The following CD163 variants were observed in gnomAD, a reference collection of about 807,000 sequenced individuals.
CD163 encodes the protein CD163 molecule.
CD163 carries 64 observed loss-of-function variants against 129.2 expected under a neutral mutation model. The ratio of observed to expected loss-of-function variants is 0.50; its 90% CI spans 0.41 to 0.61. The LOEUF (loss-of-function observed/expected upper bound fraction) is 0.61. Ranked by LOEUF, CD163 falls within the 20% of genes least tolerant of loss-of-function variation. The pLI is 0.00. For synonymous variants in CD163, 446 were observed against 478.5 expected, an observed-to-expected ratio of 0.93 and a Z score of 0.89; for missense variants, 1,061 against 1,377.9, an observed-to-expected ratio of 0.77 and a Z score of 3.64.
At chr12:7,480,894 G>A in intron 15 of CD163, 1 of 1,089,362 alleles carries the variant, frequency 9.2e-7, no homozygotes, top group Non-Finnish European at 1.1e-6. Flanking sequence ...ATAAAATGAG[G>A]TCCAAGTCAT....
chr12:7,501,110 G>C (rs773079104), intron 3 of CD163, 29 bp downstream of exon 3: 2 of 1,596,010 alleles, frequency 1.3e-6, no homozygotes, highest in African/African-American at 2.7e-5. Context: ...AGGATTTTGT[G>C]TTGAGGCTTT....
At chr12:7,483,725 CAGG>C (rs764228327) in intron 11 of CD163, 50 bp from the exon 12 acceptor site, 1 of 1,242,002 alleles carries the variant, frequency 8.1e-7, no homozygotes, top group South Asian at 1.8e-5. Context: ...TAAAAGTTTC[CAGG>C]AGTTCACAGG....
chr12:7,489,349 A>C (rs986031735), intron 6 of CD163, among the ~76,000 whole-genome samples: 1 of 152,122 alleles, frequency 6.6e-6, no homozygotes, highest in African/African-American at 2.4e-5. Flanking sequence ...CTTTTTTCCA[A>C]GAAATTTATG....
chr12:7,502,736 G>C (rs1411538447), intron 1 of CD163, 172 bp from the exon 2 acceptor site: 1 of 641,354 alleles, frequency 1.6e-6, no homozygotes, highest in Non-Finnish European at 2.8e-6. Context: ...TATAGTTTCA[G>C]TGAAATGGTT....
At position 7,485,533 on chromosome 12, in the gene CD163, G is replaced by T; in HGVS notation, c.2459-117C>A. 2 of 587,876 alleles carry T rather than the reference G, an allele frequency of 3.4e-6. No homozygotes were observed. Among genetic ancestry groups the T allele is most frequent in the Non-Finnish European group, 5.6e-6 (2 of 354,736 alleles). The allele number at this position is 587,876 out of a possible 1,614,324, so 36.4% of individuals were successfully genotyped here. ...ATAGGTACAATAGTACAATATGTCA[G>T]TTACTAATAATTCGTTAGTAACTTC... On this transcript the variant is annotated intron_variant, in intron 10 of 16. Coordinates refer to ENST00000432237, the MANE Select transcript of CD163 (RefSeq NM_203416.4). The surrounding 1 kb of genome is among the most constrained non-coding windows in gnomAD (Gnocchi z 4.5).
chr12:7,478,042 G>A (rs1949112455), intron 16 of CD163, among the ~76,000 whole-genome samples: 1 of 152,022 alleles, frequency 6.6e-6, no homozygotes, highest in South Asian at 2.1e-4. Flanking sequence ...ATTTTATAAT[G>A]ATTTTTTCTT....
chr12:7,497,241 A>G, intron 4 of CD163, 108 bp from the exon 5 acceptor site: 2 of 872,864 alleles, frequency 2.3e-6, no homozygotes, highest in South Asian at 1.6e-5. Context: ...ATAAGTGGAG[A>G]CAGAGAAAAC....
At chr12:7,481,337 T>A in intron 14 of CD163, 81 bp from the exon 15 acceptor site, 1 of 986,032 alleles carries the variant, frequency 1.0e-6, no homozygotes, top group South Asian at 1.3e-5. Flanking sequence ...TTCCAAGCGC[T>A]GCAAACATAC....
At position 7,486,966 on chromosome 12, in the gene CD163, A is replaced by C; in HGVS notation, c.2071T>G (p.Ser691Ala). Residue 691 changes from serine (S) to alanine (A), a missense_variant, in exon 9 of 17, where the codon TCC (serine) becomes GCC (alanine). Physicochemically the swap from Ser to Ala is moderately conservative, Grantham distance 99 (BLOSUM62 1). Transcript: ENST00000432237. ...ICSGNQSQTL[S>A]SCNSSSLGPT... ...CCCAAAGACGATGAATTGCACGAGG[A>C]CAGTGTTTGGGACTGGTTTCCTGCA... 3 of 1,614,118 alleles carry C rather than the reference A, an allele frequency of 1.9e-6. 1 individual carries two copies. The South Asian group carries it at 3.3e-5, about 18-fold the overall frequency.
chr12:7,482,690 G>A lies in CD163; in HGVS notation c.3200C>T (p.Ala1067Val), dbSNP rs771169001. 9.9e-6 allele frequency: 16 copies of A among 1,614,110 alleles called. No individual in the cohort carries two copies. The South Asian group carries it at 1.2e-4, about 12-fold the overall frequency. Residue 1067 changes from alanine (A) to valine (V), a missense_variant, in exon 14 of 17, where the codon GCA (alanine) becomes GTA (valine). Ala to Val is a moderately conservative substitution (Grantham distance 64). Coordinates refer to ENST00000432237, the MANE Select transcript of CD163 (RefSeq NM_203416.4). ...TCGCTTTTTAGTCAAGAAGAATAAT[G>A]CGACGAAAATGGCCAACAGAACAAC... ...LGVVLLAIFV[A>V]LFFLTKKRRQ...
rs772644770 is a variant in CD163 at position 7,485,160 on chromosome 12, G to A, written c.2715C>T (p.Cys905=). The change falls in exon 11 of 17, where the codon TGC becomes TGT. Residue 905 remains cysteine, a synonymous_variant. Coordinates refer to ENST00000432237, the MANE Select transcript of CD163 (RefSeq NM_203416.4). This position sits in a 1 kb window ranked among gnomAD's most constrained non-coding sequence, Gnocchi z 4.5. ...GTCTCTTCTCCCATGGAGATGATGG[G>A]CACTGCCACAGCGTGTCAGGTCCTT... ...CPKGPDTLWQ[C]PSSPWEKRLA... 1.9e-6 allele frequency: 3 copies of A among 1,614,042 alleles called. No homozygotes were observed. The highest frequency in any genetic ancestry group is 2.2e-5 in the South Asian group (2 of 91,076).
chr12:7,477,904 ATAT>A (rs1237459983), intron 16 of CD163, among the ~76,000 whole-genome samples: 1 of 152,172 alleles, frequency 6.6e-6, no homozygotes, highest in African/African-American at 2.4e-5. Context: ...TATAAATCAA[ATAT>A]TATTCATGGT....
Position 7,503,586 on chromosome 12 carries a change from G to A in CD163, c.46+59C>T. 5 of 1,129,426 alleles carry A rather than the reference G, an allele frequency of 4.4e-6. No individual in the cohort carries two copies. In the East Asian group the frequency reaches 1.2e-4, roughly 27 times the overall value. 70.0% of individuals were successfully genotyped at this position (1,129,426 alleles called of 1,614,324 possible). ...CACTTTTAAATCACATCCATTGACT[G>A]TCATAATAATTACATACCCCATTAA... is the stretch of plus-strand genomic sequence containing the variant. On this transcript the variant is annotated intron_variant, in intron 1 of 16. Coordinates refer to ENST00000432237, the MANE Select transcript of CD163 (RefSeq NM_203416.4).
chr12:7,483,771 A>C (rs767374272), intron 11 of CD163, 96 bp from the exon 12 acceptor site: 7 of 589,260 alleles, frequency 1.2e-5, no homozygotes, highest in East Asian at 1.1e-4. Context: ...AAAAAAAAAA[A>C]AAAACTATTT....
chr12:7,483,193 G>T, intron 12 of CD163, 174 bp downstream of exon 12: 1 of 796,606 alleles, frequency 1.3e-6, no homozygotes, highest in Non-Finnish European at 2.0e-6. Context: ...CCTTGGTGAA[G>T]GCCGTTGTAT....
intron 16 of CD163, among the ~76,000 whole-genome samples, chr12:7,477,676 A>C (rs1279925586): frequency 6.6e-6 from 1 of 152,146 alleles, no homozygotes; most frequent in Non-Finnish European, 1.5e-5. Flanking sequence ...GTTGATAGGC[A>C]CAACAAACCA....
At chr12:7,479,546 A>G (rs982939819) in intron 16 of CD163, among the ~76,000 whole-genome samples, 2 of 152,144 alleles carry the variant, frequency 1.3e-5, no homozygotes, top group African/African-American at 2.4e-5. Context: ...ATGTAGATGT[A>G]TAATATGTCT....
Position 7,474,076 on chromosome 12 carries a change from A to T in CD163, c.*32-2679T>A, listed in dbSNP as rs144962128. Among the ~76,000 whole-genome samples the T allele has an allele frequency of 6.1e-4, 93 of 152,316 alleles. No individual in the cohort carries two copies. The East Asian group carries it at 0.017, about 28-fold the overall frequency. ...CCAATACAGGAGCACCCAGATTCAT[A>T]AAGCAAGTTCTTAGAGACCTACAAA... On this transcript the variant is annotated intron_variant, in intron 16 of 16. Coordinates refer to ENST00000432237, the MANE Select transcript of CD163 (RefSeq NM_203416.4).
chr12:7,496,689 C>T lies in CD163; in HGVS notation c.1099+124G>A. The T allele has an allele frequency of 1.3e-6, 1 of 757,040 alleles. No individual in the cohort carries two copies. The highest frequency in any genetic ancestry group is 2.2e-6 in the Non-Finnish European group (1 of 455,040). 46.9% of individuals were successfully genotyped at this position (757,040 alleles called of 1,614,324 possible). A position where few individuals can be genotyped will look rare whatever the true frequency, so the allele number is the denominator to read the frequency against. ...ATTACAGGTATAAAGGAATTCCCAGCAAGGAATTTACTAGGCATTTCTACT... is the reference window on the plus strand; with the variant it reads ...ATTACAGGTATAAAGGAATTCCCAGTAAGGAATTTACTAGGCATTTCTACT... On this transcript the variant is annotated intron_variant, in intron 5 of 16. Coordinates refer to ENST00000432237, the MANE Select transcript of CD163 (RefSeq NM_203416.4). This position sits in a 1 kb window ranked among gnomAD's most constrained non-coding sequence, Gnocchi z 4.8.
Sources: gnomAD v4.1 joint callset for allele counts (sites outside exome capture counted in the v4.1 genomes callset) on GRCh38, gnomAD v4.1.1 for gene constraint, Gnocchi (gnomAD v3.1) non-coding constraint, MANE v1.5 for transcripts, NCBI Gene and HGNC (gene_info 2026-07-23, HGNC 2026-07-21) for gene names.